The following VWC2 variants were observed in gnomAD, a reference collection of about 807,000 sequenced individuals.
The protein encoded by VWC2 is brorin.
A neutral mutation model predicts 29.8 loss-of-function variants in VWC2; 14 were observed. The observed-to-expected ratio is 0.47, with a 90% CI of 0.31 to 0.74. The LOEUF is 0.74. VWC2 is among the 30% of genes least tolerant of loss of function. The pLI, the probability that VWC2 is intolerant of heterozygous loss-of-function variation, is 0.05. For synonymous variants in VWC2, 213 were observed against 199.0 expected (o/e 1.07, Z -0.59); for missense variants, 457 against 459.8 (o/e 0.99, Z 0.05).
intron 3 of VWC2, among the ~76,000 whole-genome samples, chr7:49,902,816 C>A (rs1308642457): frequency 2.6e-5 from 4 of 151,842 alleles, no homozygotes; most frequent in African/African-American, 9.7e-5. Flanking sequence ...ATCAAAGACC[C>A]CTTTAAGATG....
chr7:49,897,892 T>C (rs903229391), intron 3 of VWC2, among the ~76,000 whole-genome samples: 8 of 152,160 alleles, frequency 5.3e-5, no homozygotes, highest in Non-Finnish European at 8.8e-5. Flanking sequence ...ACAGTGAATA[T>C]TAGAGAAAAA....
intron 3 of VWC2, among the ~76,000 whole-genome samples, chr7:49,857,002 A>C: frequency 9.3e-6 from 1 of 107,570 alleles, no homozygotes. Context: ...AGAGCCAGAT[A>C]CTGTCTCAAA....
intron 2 of VWC2, among the ~76,000 whole-genome samples, chr7:49,784,106 A>G (rs1404097338): frequency 6.6e-6 from 1 of 152,166 alleles, no homozygotes; most frequent in African/African-American, 2.4e-5. Flanking sequence ...CATATTTTTA[A>G]AAGAAAAATG....
In VWC2 at chr7:49,919,256, G is replaced by C. The variant is rs1263737791; in HGVS notation, c.*7071G>C. On this transcript the variant is annotated 3_prime_UTR_variant, in exon 4 of 4. Transcript: ENST00000340652. Reference sequence around the variant, plus strand: ...AACTGCAATTTAGACCTGGGTGATAGAGTCATATATGGTCTTTGGACCCAT... The same window carrying C: ...AACTGCAATTTAGACCTGGGTGATACAGTCATATATGGTCTTTGGACCCAT... The C allele has an allele frequency of 1.3e-5, 2 of 152,090 alleles. No individual in the cohort carries two copies. The highest frequency in any genetic ancestry group is 2.4e-5 in the African/African-American group (1 of 41,416). The allele number at this position is 152,090 out of a possible 1,614,324, so 9.4% of individuals were successfully genotyped here.
intron 2 of VWC2, among the ~76,000 whole-genome samples, chr7:49,777,467 C>T (rs894752748): frequency 2.0e-5 from 3 of 152,156 alleles, no homozygotes; most frequent in East Asian, 1.9e-4. Flanking sequence ...CTGGCTTTAC[C>T]ACTAACCAGC....
chr7:49,905,480 C>G (rs1793035611), intron 3 of VWC2, among the ~76,000 whole-genome samples: 1 of 152,188 alleles, frequency 6.6e-6, no homozygotes, highest in South Asian at 2.1e-4. Context: ...TACATTCCCT[C>G]TTGGAATTAA....
At chr7:49,837,523 G>A (rs184831144) in intron 3 of VWC2, among the ~76,000 whole-genome samples, 7 of 152,306 alleles carry the variant, frequency 4.6e-5, no homozygotes, top group East Asian at 1.9e-4. Context: ...CCTGAAGGCC[G>A]GGGGAGGTCA....
chr7:49,823,188 T>C (rs1405646085), intron 3 of VWC2, among the ~76,000 whole-genome samples: 1 of 152,190 alleles, frequency 6.6e-6, no homozygotes. Flanking sequence ...GTTCTCTGAA[T>C]GGTAGGATAT....
intron 3 of VWC2, among the ~76,000 whole-genome samples, chr7:49,906,637 A>C (rs948031457): frequency 3.3e-5 from 5 of 152,222 alleles, no homozygotes; most frequent in Non-Finnish European, 7.3e-5. Flanking sequence ...CACCCAGCCA[A>C]CTGTCAAAAA....
chr7:49,898,135 ATGTG>A lies in VWC2; in HGVS notation c.827-13891_827-13888del, dbSNP rs1189734778. ...TATATGTGTGTGTGTGTGTGTATGT[ATGTG>A]TGTGTGTATATATATGTGTATGCTT... On this transcript the variant is annotated intron_variant, in intron 3 of 3. Coordinates refer to ENST00000340652, the MANE Select transcript of VWC2 (RefSeq NM_198570.5). Among the ~76,000 whole-genome samples, 7 of 151,514 alleles carry A rather than the reference ATGTG, an allele frequency of 4.6e-5. 1 individual carries two copies. The South Asian group carries it at 8.4e-4, about 18-fold the overall frequency.
chr7:49,836,337 C>T (rs1789657008), intron 3 of VWC2, among the ~76,000 whole-genome samples: 1 of 151,720 alleles, frequency 6.6e-6, no homozygotes, highest in Non-Finnish European at 1.5e-5. Context: ...AAAATCTATA[C>T]TTAAGTGTGG....
In VWC2 at chr7:49,775,842, C is replaced by T. The variant is rs1338399084; in HGVS notation, c.407C>T (p.Ala136Val). 7 of 1,550,008 alleles carry T rather than the reference C, an allele frequency of 4.5e-6. No homozygotes were observed. Among genetic ancestry groups the T allele is most frequent in the Non-Finnish European group, 5.2e-6 (6 of 1,147,836 alleles). ...CAGGACGCGATTGGCCCGGAACTCG[C>T]GCCCACGCCCGAGCCACCCGAGGAG... ...AAQDAIGPEL[A>V]PTPEPPEEYV... is the part of the protein sequence containing the mutation. Residue 136 changes from alanine (A) to valine (V), a missense_variant, in exon 2 of 4, where the codon GCG becomes GTG. Physicochemically the swap from Ala to Val is moderately conservative, Grantham distance 64. Transcript: ENST00000340652.
Position 49,889,216 on chromosome 7 carries a change from A to C in VWC2, c.827-22818A>C, listed in dbSNP as rs371125431. On this transcript the variant is annotated intron_variant, in intron 3 of 3. Coordinates refer to ENST00000340652, the MANE Select transcript of VWC2 (RefSeq NM_198570.5). ...AGCTGATGTTTGTGACTTTTAAAAT[A>C]TATTAATGGAATTTGGAGAAGGGGC... 1.4e-3 allele frequency among the ~76,000 whole-genome samples: 219 copies of C among 152,272 alleles called. 3 individuals are homozygous for C. Among genetic ancestry groups the C allele is most frequent in the African/African-American group, 5.0e-3 (209 of 41,550 alleles).
intron 3 of VWC2, among the ~76,000 whole-genome samples, chr7:49,845,781 T>C (rs760327573): frequency 3.9e-5 from 6 of 152,214 alleles, no homozygotes; most frequent in Non-Finnish European, 8.8e-5. Flanking sequence ...AAGTTTCCCC[T>C]GTCTCTATGG....
intron 3 of VWC2, among the ~76,000 whole-genome samples, chr7:49,803,075 A>G (rs2128706016): frequency 6.6e-6 from 1 of 152,324 alleles, no homozygotes; most frequent in South Asian, 2.1e-4. Flanking sequence ...TTTGGGGAGA[A>G]ATTCAATTTC....
intron 3 of VWC2, among the ~76,000 whole-genome samples, chr7:49,857,592 C>T (rs188715514): frequency 2.6e-5 from 4 of 152,088 alleles, no homozygotes. Flanking sequence ...ATTAAAACCT[C>T]CGTGAGACAT....
chr7:49,900,572 T>A (rs1257661045), intron 3 of VWC2, among the ~76,000 whole-genome samples: 2 of 151,560 alleles, frequency 1.3e-5, no homozygotes, highest in Non-Finnish European at 3.0e-5. Flanking sequence ...ATGAACCAAT[T>A]CCTTGAAAGA....
intron 2 of VWC2, among the ~76,000 whole-genome samples, chr7:49,776,452 G>A (rs1788056304): frequency 6.6e-6 from 1 of 152,194 alleles, no homozygotes; most frequent in Non-Finnish European, 1.5e-5. Context: ...TCCTAATTTG[G>A]GAATGTTGTC....
rs1419344228 is a variant in VWC2, at chr7:49,904,799, G to A, written c.827-7235G>A. On this transcript the variant is annotated intron_variant, in intron 3 of 3. Transcript: ENST00000340652. Reference sequence around the variant, plus strand: ...CGCCCAGGTTGGAGTGCAGTGGCGCGATCTCGGCTCACTGCAACCTCCTCT... The same window carrying A: ...CGCCCAGGTTGGAGTGCAGTGGCGCAATCTCGGCTCACTGCAACCTCCTCT... Among the ~76,000 whole-genome samples, 6 of 148,882 alleles carry A rather than the reference G, an allele frequency of 4.0e-5. No individual in the cohort carries two copies. In the East Asian group the frequency reaches 9.9e-4, roughly 25 times the overall value.
Sources: allele counts gnomAD v4.1 joint callset (sites outside exome capture counted in the v4.1 genomes callset), GRCh38; gene constraint gnomAD v4.1.1; transcripts MANE v1.5; gene names NCBI Gene and HGNC (gene_info 2026-07-23, HGNC 2026-07-21).